Variants in LINGO3 observed in about 807,000 individuals in gnomAD.
LINGO3 encodes the protein leucine rich repeat and Ig domain containing 3, also known as leucine-rich repeat and immunoglobulin-like domain-containing nogo receptor-interacting protein 3.
For synonymous variants in LINGO3, 427 were observed against 444.2 expected (o/e 0.96, Z 0.49); for missense variants, 750 against 867.7 (o/e 0.86, Z 1.70).
At position 2,290,898 on chromosome 19, in the gene LINGO3, C is replaced by T. The variant is rs1334849843; in HGVS notation, c.879G>A (p.Leu293=). 6.2e-7 allele frequency: 1 copy of T among 1,611,300 alleles called. No individual in the cohort carries two copies. Among genetic ancestry groups the T allele is most frequent in the South Asian group, 1.1e-5 (1 of 90,948 alleles). ...CCAGGTGCAGCTCGCGCAGGCGGAC[C>T]AGGTCCCGGAACGACCCCCGCGGCA... The change falls in exon 1 of 1, where the codon CTG becomes CTA. Residue 293 remains leucine (L), a synonymous_variant. Coordinates refer to ENST00000585527, the Ensembl canonical transcript of LINGO3. This position sits in a 1 kb window ranked among gnomAD's most constrained non-coding sequence, Gnocchi z 6.0.
At chr19:2,299,137 G>A in the LINGO3 span, among the ~76,000 whole-genome samples, 1 of 152,142 alleles carries the variant, frequency 6.6e-6, no homozygotes, top group African/African-American at 2.4e-5. Flanking sequence ...CCCAGCAGGG[G>A]CCACTCAAGC....
chr19:2,296,224 A>G (rs572116023), upstream of LINGO3, among the ~76,000 whole-genome samples: 5 of 151,792 alleles, frequency 3.3e-5, no homozygotes, highest in South Asian at 2.1e-4. Context: ...CTGCCCCCCG[A>G]CCCTGCACCT....
Position 2,290,074 on chromosome 19 carries a change from G to A in LINGO3, c.1703C>T (p.Ser568Phe), listed in dbSNP as rs2025502705. ...GGCCGGCCCATCCACCTTGCGGAAG[G>A]AGTACTCCACCGAGAAGTTGTTTTT... Residue 568 changes from serine (S) to phenylalanine (F), a missense_variant, in exon 1 of 1, where the codon TCC (serine) becomes TTC (phenylalanine). Coordinates refer to ENST00000585527, the Ensembl canonical transcript of LINGO3. This position sits in a 1 kb window ranked among gnomAD's most constrained non-coding sequence, Gnocchi z 6.0. The A allele has an allele frequency of 6.4e-7, 1 of 1,573,326 alleles. No individual in the cohort carries two copies.
the LINGO3 span, among the ~76,000 whole-genome samples, chr19:2,303,527 C>T: frequency 3.3e-5 from 5 of 152,064 alleles, no homozygotes; most frequent in South Asian, 6.2e-4. Context: ...TAGCTGGCAA[C>T]GGCAAAACCA....
chr19:2,307,801 C>T, the LINGO3 span, among the ~76,000 whole-genome samples: 1 of 152,136 alleles, frequency 6.6e-6, no homozygotes, highest in Non-Finnish European at 1.5e-5. Flanking sequence ...GTCCCCAGTG[C>T]CCCGGGGAGA....
Position 2,290,355 on chromosome 19 carries a change from G to A in LINGO3, c.1422C>T (p.Asp474=), listed in dbSNP as rs768049723. ...TGGCCACGCACGTGTAGGTGCCGCTGTCCTGCGGCCGCGCGTCCTGGATCT... is the reference window on the plus strand; with the variant it reads ...TGGCCACGCACGTGTAGGTGCCGCTATCCTGCGGCCGCGCGTCCTGGATCT... The change falls in exon 1 of 1, where the codon GAC becomes GAT. Residue 474 remains aspartate, a synonymous_variant. Coordinates refer to ENST00000585527, the Ensembl canonical transcript of LINGO3. This position sits in a 1 kb window ranked among gnomAD's most constrained non-coding sequence, Gnocchi z 6.0. 4.0e-6 allele frequency: 6 copies of A among 1,502,018 alleles called. No homozygotes were observed. Among genetic ancestry groups the A allele is most frequent in the South Asian group, 1.3e-5 (1 of 79,878 alleles). The allele number at this position is 1,502,018 out of a possible 1,614,324, so 93.0% of individuals were successfully genotyped here.
the LINGO3 span, among the ~76,000 whole-genome samples, chr19:2,307,316 A>C: frequency 2.6e-5 from 4 of 152,188 alleles, no homozygotes. Context: ...TAGCGCCCCA[A>C]GCACACGTTG....
At chr19:2,300,900 G>A in the LINGO3 span, among the ~76,000 whole-genome samples, 8 of 152,220 alleles carry the variant, frequency 5.3e-5, no homozygotes, top group African/African-American at 1.7e-4. Flanking sequence ...GGGCCTGGTC[G>A]TTCTCTGGGG....
downstream of LINGO3, among the ~76,000 whole-genome samples, chr19:2,289,021 GGTGTGAGCTGTGTGTTCCA>G (rs930743004): frequency 2.0e-5 from 3 of 151,686 alleles, no homozygotes; most frequent in African/African-American, 7.3e-5. Context: ...CTGTGTTCTG[GGTGTGAGCTGTGTGTTCCA>G]GTGTGAGCTG....
rs1308761714 is a variant in LINGO3, at chr19:2,290,592, G to A, written c.1185C>T (p.Asp395=). The stretch of plus-strand genomic sequence containing the variant: ...ACACGAAGTACTCGAACAGCACGGA[G>A]TCCGGCAGGTTTCGCAGCGCGTCGC... Residue 395 remains aspartate, a synonymous_variant, in exon 1 of 1, where the codon GAC becomes GAT. Coordinates refer to ENST00000585527, the Ensembl canonical transcript of LINGO3. This position sits in a 1 kb window ranked among gnomAD's most constrained non-coding sequence, Gnocchi z 6.0. The A allele has an allele frequency of 6.3e-7, 1 of 1,581,794 alleles. No individual in the cohort carries two copies. Among genetic ancestry groups the A allele is most frequent in the Non-Finnish European group, 8.5e-7 (1 of 1,169,956 alleles).
chr19:2,289,083 G>A (rs1188899931), downstream of LINGO3, among the ~76,000 whole-genome samples: 4 of 151,786 alleles, frequency 2.6e-5, no homozygotes, highest in African/African-American at 9.7e-5. Flanking sequence ...TATCCCGGGT[G>A]TGAGCTGTGT....
chr19:2,292,530 T>C (rs1236086177), upstream of LINGO3, among the ~76,000 whole-genome samples: 1 of 151,200 alleles, frequency 6.6e-6, no homozygotes, highest in Non-Finnish European at 1.5e-5. Flanking sequence ...CACTCTGTCA[T>C]CCAGGCTGGA....
At position 2,290,126 on chromosome 19, in the gene LINGO3, C is replaced by T. The variant is rs755230705; in HGVS notation, c.1651G>A (p.Val551Met). 6.2e-7 allele frequency: 1 copy of T among 1,611,730 alleles called. No individual in the cohort carries two copies. The highest frequency in any genetic ancestry group is 1.3e-5 in the African/African-American group (1 of 74,978). ...TGCTGCCCGCGGCCGCGGCTCCACACGAACAGCAGCACGAAGCAGAAGAGG... is the reference window on the plus strand; with the variant it reads ...TGCTGCCCGCGGCCGCGGCTCCACATGAACAGCAGCACGAAGCAGAAGAGG... The change falls in exon 1 of 1, where the codon GTG becomes ATG. Residue 551 changes from valine (V) to methionine (M), a missense_variant. Transcript: ENST00000585527. The surrounding 1 kb of genome is among the most constrained non-coding windows in gnomAD (Gnocchi z 6.0).
upstream of LINGO3, among the ~76,000 whole-genome samples, chr19:2,292,190 T>A (rs34008703): frequency 0.43 from 59,838 of 140,732 alleles, 16,216 homozygotes; most frequent in African/African-American, 0.75. Flanking sequence ...CCCTGTCTCT[T>A]AAAAAAAAAA....
exon 1 of LINGO3, chr19:2,291,598 T>A (rs747976349): frequency 5.2e-6 from 8 of 1,525,848 alleles, no homozygotes; most frequent in Non-Finnish European, 7.0e-6. Flanking sequence ...GCGGCTGAGC[T>A]CCAGCAGGCG....
chr19:2,292,925 G>A (rs1001538554), upstream of LINGO3, among the ~76,000 whole-genome samples: 2 of 152,170 alleles, frequency 1.3e-5, no homozygotes, highest in African/African-American at 2.4e-5. Flanking sequence ...GGTCAGCACC[G>A]TGCAGCCACC....
chr19:2,307,289 C>T, the LINGO3 span, among the ~76,000 whole-genome samples: 1 of 152,204 alleles, frequency 6.6e-6, no homozygotes, highest in Non-Finnish European at 1.5e-5. Flanking sequence ...CTGGGGGGGC[C>T]GGGACACCGG....
At chr19:2,291,722 G>A in exon 1 of LINGO3, 3 of 1,344,240 alleles carry the variant, frequency 2.2e-6, no homozygotes, top group Non-Finnish European at 1.9e-6. Context: ...GCCGGGGGCG[G>A]CGCCGCGGGC....
chr19:2,303,626 G>A, the LINGO3 span, among the ~76,000 whole-genome samples: 1 of 152,224 alleles, frequency 6.6e-6, no homozygotes, highest in Non-Finnish European at 1.5e-5. Context: ...AGAGCATGGC[G>A]AGATCTGGGT....
Sources: gnomAD v4.1 joint callset for allele counts (sites outside exome capture counted in the v4.1 genomes callset) on GRCh38, gnomAD v4.1.1 for gene constraint, Gnocchi (gnomAD v3.1) non-coding constraint, MANE v1.5 for transcripts, NCBI Gene and HGNC (gene_info 2026-07-23, HGNC 2026-07-21) for gene names.